The following ANKRD22 variants were observed in gnomAD, a reference collection of about 807,000 sequenced individuals.
ANKRD22 encodes the protein ankyrin repeat domain-containing protein 22.
ANKRD22 carries 24 observed loss-of-function variants against 25.7 expected under a neutral mutation model. The observed-to-expected ratio is 0.93, with a 90% CI of 0.68 to 1.31. The LOEUF (loss-of-function observed/expected upper bound fraction) is 1.31. ANKRD22 is among the 50% of genes most tolerant of loss of function. The probability of loss-of-function intolerance (pLI) is 0.00; values close to 1 mark genes in which losing one functional copy is unlikely to be tolerated. For synonymous variants in ANKRD22, 84 were observed against 84.3 expected, an observed-to-expected ratio of 1.00 and a Z score of 0.02; for missense variants, 214 against 227.1, an observed-to-expected ratio of 0.94 and a Z score of 0.37.
At chr10:88,832,857 T>C (rs1171263430) in intron 1 of ANKRD22, among the ~76,000 whole-genome samples, 1 of 152,184 alleles carries the variant, frequency 6.6e-6, no homozygotes, top group African/African-American at 2.4e-5. Flanking sequence ...TCTTCAAAGT[T>C]TGGTTGAACC....
chr10:88,847,292 T>C (rs1308314030), intron 1 of ANKRD22, among the ~76,000 whole-genome samples: 1 of 152,118 alleles, frequency 6.6e-6, no homozygotes. Context: ...GGAGACTCAC[T>C]CTGTTGCCCA....
Position 88,826,055 on chromosome 10 carries a change from C to T in ANKRD22, c.382G>A (p.Val128Ile), listed in dbSNP as rs750663917. The T allele has an allele frequency of 1.9e-6, 3 of 1,612,402 alleles. No individual in the cohort carries two copies. The African/African-American group carries it at 4.0e-5, about 22-fold the overall frequency. Residue 128 changes from valine to isoleucine, a missense_variant, in exon 4 of 6, where the codon GTT becomes ATT. Physicochemically the swap from Val to Ile is conservative, Grantham distance 29 (BLOSUM62 3). Transcript: ENST00000371930. ...VRMLLDAGVEVNATDCYGCTA... is the reference protein window; with the variant it reads ...VRMLLDAGVEINATDCYGCTA... The stretch of plus-strand genomic sequence containing the variant: ...AAACTTACACAATCTGTAGCATTAA[C>T]TTCGACGCCAGCATCAAGTAGCATT...
chr10:88,836,002 A>C (rs556422384), intron 1 of ANKRD22, among the ~76,000 whole-genome samples: 2 of 152,294 alleles, frequency 1.3e-5, no homozygotes, highest in African/African-American at 4.8e-5. Context: ...CACACTTGGG[A>C]AATTATTATA....
Position 88,826,113 on chromosome 10 carries a change from T to A in ANKRD22, c.324A>T (p.Val108=). The A allele has an allele frequency of 2.5e-6, 4 of 1,606,594 alleles. No individual in the cohort carries two copies. The highest frequency in any genetic ancestry group is 3.4e-6 in the Non-Finnish European group (4 of 1,175,714). The part of the protein sequence containing the change: ...PVLLIGYFLM[V]SKTKQNEALV... ...GAGCCTCATTCTGCTTTGTCTTTGA[T>A]ACCTATTACAAATGGTAATTATAAG... The change falls in exon 4 of 6, where the codon GTA becomes GTT. Residue 108 remains valine (V), a splice_region_variant and synonymous_variant. Transcript: ENST00000371930.
At chr10:88,842,177 T>C (rs998742457) in intron 1 of ANKRD22, among the ~76,000 whole-genome samples, 2 of 152,160 alleles carry the variant, frequency 1.3e-5, no homozygotes, top group Non-Finnish European at 2.9e-5. Flanking sequence ...GTAAAAAGTT[T>C]CACAGTAATA....
chr10:88,848,642 A>C (rs1844075713), intron 1 of ANKRD22, among the ~76,000 whole-genome samples: 1 of 152,278 alleles, frequency 6.6e-6, no homozygotes, highest in Admixed American at 6.5e-5. Flanking sequence ...ACCAGATCTC[A>C]TTCAGCTCTC....
intron 1 of ANKRD22, among the ~76,000 whole-genome samples, chr10:88,851,228 G>A (rs1031796376): frequency 1.3e-5 from 2 of 152,020 alleles, no homozygotes; most frequent in African/African-American, 4.8e-5. Context: ...TGGATATTTA[G>A]AAAATCCAAT....
In ANKRD22 at chr10:88,851,682, A is replaced by G; in HGVS notation, c.-75T>C. ...GGAGGTATTTCTGATGAATATCAAA[A>G]TCCTTCCTGGCTGAGAGGAAAGTCC... is the stretch of plus-strand genomic sequence containing the variant. On this transcript the variant is annotated 5_prime_UTR_variant, in exon 1 of 6. Coordinates refer to ENST00000371930, the MANE Select transcript of ANKRD22 (RefSeq NM_144590.3). 6.4e-7 allele frequency: 1 copy of G among 1,572,370 alleles called. No individual in the cohort carries two copies. Among genetic ancestry groups the G allele is most frequent in the Admixed American group, 1.7e-5 (1 of 59,812 alleles).
At chr10:88,839,196 C>G (rs1182581688) in intron 1 of ANKRD22, among the ~76,000 whole-genome samples, 1 of 152,148 alleles carries the variant, frequency 6.6e-6, no homozygotes, top group Non-Finnish European at 1.5e-5. Flanking sequence ...GCCCATGAAT[C>G]ACCTCCTCAG....
At chr10:88,839,291 T>G (rs1843982990) in intron 1 of ANKRD22, among the ~76,000 whole-genome samples, 1 of 152,160 alleles carries the variant, frequency 6.6e-6, no homozygotes, top group African/African-American at 2.4e-5. Flanking sequence ...TAAATTGCAC[T>G]AATTGGTATT....
intron 3 of ANKRD22, among the ~76,000 whole-genome samples, chr10:88,826,673 A>C (rs1203958160): frequency 6.6e-6 from 1 of 151,930 alleles, no homozygotes; most frequent in African/African-American, 2.4e-5. Context: ...TGGCATATTC[A>C]CCTTTCATTC....
intron 3 of ANKRD22, among the ~76,000 whole-genome samples, chr10:88,827,926 T>C (rs1029089280): frequency 2.0e-5 from 3 of 152,160 alleles, no homozygotes; most frequent in African/African-American, 7.2e-5. Context: ...GCAGATCTGT[T>C]ACCCTATTGG....
intron 1 of ANKRD22, among the ~76,000 whole-genome samples, chr10:88,845,191 C>T (rs1844036787): frequency 6.6e-6 from 1 of 152,088 alleles, no homozygotes; most frequent in Admixed American, 6.6e-5. Flanking sequence ...CCCTCAACCC[C>T]AGAAAATCTC....
At chr10:88,836,701 A>C (rs1236611788) in intron 1 of ANKRD22, among the ~76,000 whole-genome samples, 5 of 152,336 alleles carry the variant, frequency 3.3e-5, no homozygotes. Context: ...TGATCTGTCC[A>C]CTTGTGGCAC....
At chr10:88,827,521 C>T (rs777420578) in intron 3 of ANKRD22, among the ~76,000 whole-genome samples, 4 of 152,056 alleles carry the variant, frequency 2.6e-5, no homozygotes, top group Non-Finnish European at 4.4e-5. Context: ...TTCTCCCTGC[C>T]CCCAAAATAC....
At chr10:88,823,827 C>CAAAAAAAAAAAAAAAAAAAAAAAAAA (rs56194758) in intron 4 of ANKRD22, among the ~76,000 whole-genome samples, 7 of 103,750 alleles carry the variant, frequency 6.7e-5, no homozygotes, top group African/African-American at 2.6e-4. Flanking sequence ...GACTCCGTCT[C>CAAAAAAAAAAAAAAAAAAAAAAAAAA]AAAAAAAAAA....
chr10:88,850,862 G>T (rs1187902975), intron 1 of ANKRD22, among the ~76,000 whole-genome samples: 2 of 151,930 alleles, frequency 1.3e-5, no homozygotes, highest in Non-Finnish European at 2.9e-5. Flanking sequence ...CTGAGCATCT[G>T]CAATGAAATG....
chr10:88,845,945 T>A (rs1049994154), intron 1 of ANKRD22, among the ~76,000 whole-genome samples: 1 of 152,152 alleles, frequency 6.6e-6, no homozygotes, highest in Non-Finnish European at 1.5e-5. Context: ...GACAAAGTCT[T>A]TACAGTGTTA....
chr10:88,851,788 G>T lies in ANKRD22; in HGVS notation c.-181C>A. On this transcript the variant is annotated 5_prime_UTR_variant, in exon 1 of 6. The change creates a new upstream start codon in the 5' untranslated region. Coordinates refer to ENST00000371930, the MANE Select transcript of ANKRD22 (RefSeq NM_144590.3). ...CAGTGCTTTTCCAGCAGCTCAGGCAGCAGCACACCTTCCAGAGAGCCCAGC... is the reference window on the plus strand; with the variant it reads ...CAGTGCTTTTCCAGCAGCTCAGGCATCAGCACACCTTCCAGAGAGCCCAGC... The T allele has an allele frequency of 1.6e-6, 1 of 633,502 alleles. No individual in the cohort carries two copies. Among genetic ancestry groups the T allele is most frequent in the Non-Finnish European group, 2.8e-6 (1 of 352,852 alleles). The allele number at this position is 633,502 out of a possible 1,614,324, so 39.2% of individuals were successfully genotyped here. A position where few individuals can be genotyped will look rare whatever the true frequency, so the allele number is the denominator to read the frequency against.
Sources: allele counts gnomAD v4.1 joint callset (sites outside exome capture counted in the v4.1 genomes callset), GRCh38; gene constraint gnomAD v4.1.1; transcripts MANE v1.5; gene names NCBI Gene and HGNC (gene_info 2026-07-23, HGNC 2026-07-21).